STX12: variants seen among roughly 807,000 people sequenced by gnomAD.
STX12 encodes the protein syntaxin-12.
A neutral mutation model predicts 42.2 loss-of-function variants in STX12; 17 were observed. That is an observed-to-expected ratio of 0.40 (90% CI 0.28 to 0.60). The LOEUF is 0.60. STX12 is among the 20% of genes least tolerant of loss of function. The pLI, the probability that STX12 is intolerant of heterozygous loss-of-function variation, is 0.39. For missense variants in STX12, 297 were observed against 330.9 expected (o/e 0.90, Z 0.79); for synonymous variants, 108 against 116.7 (o/e 0.93, Z 0.48).
At chr1:27,781,494 A>C (rs1402117793) in intron 1 of STX12, among the ~76,000 whole-genome samples, 1 of 152,064 alleles carries the variant, frequency 6.6e-6, no homozygotes, top group Non-Finnish European at 1.5e-5. Context: ...CCTATTTCTC[A>C]GTTTCCTTAT....
At chr1:27,791,029 G>A (rs2088736850) in intron 2 of STX12, among the ~76,000 whole-genome samples, 1 of 152,170 alleles carries the variant, frequency 6.6e-6, no homozygotes, top group African/African-American at 2.4e-5. Flanking sequence ...GGGAGGCTGA[G>A]GTGGGCAGAT....
chr1:27,810,087 T>C lies in STX12; in HGVS notation c.427-159T>C. The C allele has an allele frequency of 8.1e-6, 5 of 618,864 alleles. No homozygotes were observed. In the South Asian group the frequency reaches 1.1e-4, roughly 13 times the overall value. The allele number at this position is 618,864 out of a possible 1,614,324, so 38.3% of individuals were successfully genotyped here. On this transcript the variant is annotated intron_variant, in intron 4 of 8. Transcript: ENST00000373943. The stretch of plus-strand genomic sequence containing the variant: ...TTTTCTTCAACCACTTTACACCCAC[T>C]TCTTAGTTGAGACAGATTGCCAGAG...
At chr1:27,799,483 T>TTTTTG (rs2088812015) in intron 3 of STX12, among the ~76,000 whole-genome samples, 1 of 148,820 alleles carries the variant, frequency 6.7e-6, no homozygotes, top group African/African-American at 2.6e-5. Flanking sequence ...GCTTGTTTTT[T>TTTTTG]TTTTTGTTTT....
intron 6 of STX12, among the ~76,000 whole-genome samples, chr1:27,814,170 GC>G (rs1177126227): frequency 6.6e-6 from 1 of 152,078 alleles, no homozygotes; most frequent in African/African-American, 2.4e-5. Context: ...TTATTTTATT[GC>G]CTTCAAAAAT....
At position 27,819,523 on chromosome 1, in the gene STX12, C is replaced by T. The variant is rs1217496704; in HGVS notation, c.650-127C>T. On this transcript the variant is annotated intron_variant, in intron 7 of 8. Coordinates refer to ENST00000373943, the MANE Select transcript of STX12 (RefSeq NM_177424.3). ...CTAGTCTCTTACCAAGGTAGTAACT[C>T]GATTTCATGGCTGGATAGTTTGGAT... 11 of 705,828 alleles carry T rather than the reference C, an allele frequency of 1.6e-5. No homozygotes were observed. The East Asian group carries it at 2.3e-4, about 15-fold the overall frequency. The allele number at this position is 705,828 out of a possible 1,614,324, so 43.7% of individuals were successfully genotyped here. A position where few individuals can be genotyped will look rare whatever the true frequency, so the allele number is the denominator to read the frequency against.
intron 2 of STX12, 28 bp downstream of exon 2, chr1:27,789,659 T>A (rs2088725458): frequency 6.3e-7 from 1 of 1,576,968 alleles, no homozygotes; most frequent in Non-Finnish European, 8.7e-7. Flanking sequence ...AAGGTTGGGT[T>A]TTGTGAGGGC....
intron 6 of STX12, among the ~76,000 whole-genome samples, chr1:27,816,745 CG>C (rs1301852945): frequency 6.6e-6 from 1 of 150,920 alleles, no homozygotes; most frequent in Admixed American, 6.6e-5. Context: ...GGTGAAACCC[CG>C]TCTCTACTAA....
intron 1 of STX12, among the ~76,000 whole-genome samples, chr1:27,775,421 A>C (rs1275313691): frequency 6.6e-6 from 1 of 152,100 alleles, no homozygotes; most frequent in Non-Finnish European, 1.5e-5. Flanking sequence ...ACAGGTGTGC[A>C]CCACCACGCC....
chr1:27,791,759 G>C (rs1057251390), intron 2 of STX12, among the ~76,000 whole-genome samples: 2 of 152,036 alleles, frequency 1.3e-5, no homozygotes, highest in Non-Finnish European at 2.9e-5. Flanking sequence ...AGGTTGCAGT[G>C]AGCTGAGATC....
chr1:27,807,553 A>G (rs2088871748), intron 4 of STX12, among the ~76,000 whole-genome samples: 1 of 152,214 alleles, frequency 6.6e-6, no homozygotes, highest in Admixed American at 6.5e-5. Context: ...TTCTGTGAAC[A>G]CTGGGAGTTG....
In STX12 at chr1:27,773,400, C is replaced by T; in HGVS notation, c.93C>T (p.Gly31=). 6.2e-7 allele frequency: 1 copy of T among 1,613,668 alleles called. No individual in the cohort carries two copies. The highest frequency in any genetic ancestry group is 8.5e-7 in the Non-Finnish European group (1 of 1,179,808). The change falls in exon 1 of 9, where the codon GGC becomes GGT. Residue 31 remains glycine, a synonymous_variant. Coordinates refer to ENST00000373943, the MANE Select transcript of STX12 (RefSeq NM_177424.3). ...DFSSIIQTCS[G]NIQRISQATA... ...GCAGCATCATCCAGACGTGCAGCGG[C>T]AACATCCAGCGGATCAGCCAAGCCA...
At chr1:27,799,479 TTTTTTTTTTG>T (rs1421469898) in intron 3 of STX12, among the ~76,000 whole-genome samples, 2 of 147,404 alleles carry the variant, frequency 1.4e-5, no homozygotes, top group African/African-American at 5.3e-5. Flanking sequence ...ATTAGCTTGT[TTTTTTTTTTG>T]TTTTTTTTTT....
intron 7 of STX12, 93 bp from the exon 8 acceptor site, chr1:27,819,557 T>G (rs1571534991): frequency 9.3e-7 from 1 of 1,076,596 alleles, no homozygotes; most frequent in Non-Finnish European, 1.4e-6. Context: ...ATAGTGGTAG[T>G]GAAACCAGGA....
chr1:27,816,315 GA>G (rs555532797), intron 6 of STX12, among the ~76,000 whole-genome samples: 5 of 147,366 alleles, frequency 3.4e-5, no homozygotes, highest in Non-Finnish European at 7.5e-5. Context: ...CTCTACCTCA[GA>G]AAAAAAAAAT....
At chr1:27,794,665 TC>T (rs369164723) in intron 3 of STX12, among the ~76,000 whole-genome samples, 123 of 152,268 alleles carry the variant, frequency 8.1e-4, no homozygotes, top group Non-Finnish European at 1.5e-3. Context: ...CCTATTATGA[TC>T]CTGTTTTGCT....
At chr1:27,778,860 A>G (rs1459945131) in intron 1 of STX12, among the ~76,000 whole-genome samples, 1 of 152,186 alleles carries the variant, frequency 6.6e-6, no homozygotes, top group Non-Finnish European at 1.5e-5. Flanking sequence ...CTTGGGCTTT[A>G]GCGATCCTCT....
At position 27,817,869 on chromosome 1, in the gene STX12, A is replaced by C; in HGVS notation, c.595A>C (p.Asn199His). The stretch of plus-strand genomic sequence containing the variant: ...TCCTTAGGCTGACATTTTGGATGTC[A>C]ATCAGATATTTAAAGATTTGGCCAT... Reference protein sequence around the residue: ...RQLEADILDVNQIFKDLAMMI... With the variant: ...RQLEADILDVHQIFKDLAMMI... Residue 199 changes from asparagine to histidine, a missense_variant, in exon 7 of 9, where the codon AAT becomes CAT. Transcript: ENST00000373943. The C allele has an allele frequency of 6.2e-7, 1 of 1,614,066 alleles. No individual in the cohort carries two copies. Among genetic ancestry groups the C allele is most frequent in the African/African-American group, 1.3e-5 (1 of 75,062 alleles).
rs374550915 is a variant in STX12 at position 27,778,496 on chromosome 1, G to A, written c.118+5071G>A. ...ACCTGAGGTCAGGCATTCGAGACCAGCCTGGCCAACATGGCGAAACCCTGC... is the reference window on the plus strand; with the variant it reads ...ACCTGAGGTCAGGCATTCGAGACCAACCTGGCCAACATGGCGAAACCCTGC... On this transcript the variant is annotated intron_variant, in intron 1 of 8. Transcript: ENST00000373943. 5.3e-5 allele frequency among the ~76,000 whole-genome samples: 8 copies of A among 152,248 alleles called. No homozygotes were observed. In the East Asian group the frequency reaches 1.4e-3, roughly 26 times the overall value.
chr1:27,785,592 T>G (rs1367811922), intron 1 of STX12, among the ~76,000 whole-genome samples: 1 of 152,148 alleles, frequency 6.6e-6, no homozygotes, highest in Non-Finnish European at 1.5e-5. Context: ...GTCAGTGAAA[T>G]CTGAATATCA....
Sources: allele counts gnomAD v4.1 joint callset (sites outside exome capture counted in the v4.1 genomes callset), GRCh38; gene constraint gnomAD v4.1.1; transcripts MANE v1.5; gene names NCBI Gene and HGNC (gene_info 2026-07-23, HGNC 2026-07-21).